Variants in NUP133 observed in about 807,000 individuals in gnomAD.
NUP133 encodes nuclear pore complex protein Nup133.
NUP133 carries 66 observed loss-of-function variants against 146.2 expected under a neutral mutation model. The observed-to-expected ratio is 0.45, with a 90% CI of 0.37 to 0.55. The LOEUF is 0.55. Among genes scored for constraint, NUP133 ranks in the 20% least tolerant of loss-of-function variants. NUP133 has a pLI of 0.00. For missense variants in NUP133, 1,277 were observed against 1,374.8 expected (o/e 0.93, Z 1.12); for synonymous variants, 521 against 498.8 (o/e 1.04, Z -0.59).
chr1:229,473,832 G>A (rs1661011008), intron 14 of NUP133, among the ~76,000 whole-genome samples: 1 of 152,200 alleles, frequency 6.6e-6, no homozygotes, highest in South Asian at 2.1e-4. Flanking sequence ...GCTGGGGCAG[G>A]AGAATCACTT....
chr1:229,454,050 A>C (rs1026216156), intron 21 of NUP133, among the ~76,000 whole-genome samples: 1 of 152,188 alleles, frequency 6.6e-6, no homozygotes, highest in Non-Finnish European at 1.5e-5. Flanking sequence ...ATGCAGTTCA[A>C]GCTCATGTTG....
At chr1:229,469,796 G>C (rs1660912956) in intron 15 of NUP133, among the ~76,000 whole-genome samples, 1 of 152,256 alleles carries the variant, frequency 6.6e-6, no homozygotes, top group South Asian at 2.1e-4. Context: ...ATTCAGGAAG[G>C]CCACCTTGCT....
intron 11 of NUP133, among the ~76,000 whole-genome samples, chr1:229,484,908 A>G (rs1661310566): frequency 6.6e-6 from 1 of 152,186 alleles, no homozygotes; most frequent in Non-Finnish European, 1.5e-5. Flanking sequence ...CTTTTGTGAA[A>G]AGAAAAAAAA....
chr1:229,478,897 CAA>C (rs1225842965), intron 12 of NUP133, among the ~76,000 whole-genome samples: 1 of 152,044 alleles, frequency 6.6e-6, no homozygotes, highest in Admixed American at 6.5e-5. Context: ...TCAGATCAGA[CAA>C]GAGAAAAATC....
intron 15 of NUP133, among the ~76,000 whole-genome samples, chr1:229,469,023 T>A (rs941349706): frequency 3.3e-5 from 5 of 152,188 alleles, no homozygotes; most frequent in African/African-American, 1.2e-4. Flanking sequence ...TTACAGTACA[T>A]CAAACATTAA....
intron 25 of NUP133, among the ~76,000 whole-genome samples, chr1:229,443,913 T>G: frequency 7.2e-6 from 1 of 138,160 alleles, no homozygotes; most frequent in East Asian, 2.0e-4. Flanking sequence ...TTTTTTTTTT[T>G]TTTTTAAAAT....
At chr1:229,445,572 G>A (rs1022763610) in intron 24 of NUP133, among the ~76,000 whole-genome samples, 1 of 152,184 alleles carries the variant, frequency 6.6e-6, no homozygotes, top group Non-Finnish European at 1.5e-5. Context: ...TCCTGTCTTG[G>A]CCTCCCAAAG....
chr1:229,484,268 T>C (rs1345485175), intron 11 of NUP133, 123 bp from the exon 12 acceptor site: 1 of 625,042 alleles, frequency 1.6e-6, no homozygotes, highest in Middle Eastern at 4.4e-4. Flanking sequence ...TGCCGTATTG[T>C]CTGTACCAGG....
chr1:229,485,595 G>C (rs1031216355), intron 11 of NUP133, among the ~76,000 whole-genome samples: 3 of 152,102 alleles, frequency 2.0e-5, no homozygotes, highest in African/African-American at 4.8e-5. Flanking sequence ...ATTTATGTTA[G>C]AATGATAAAG....
At chr1:229,488,479 G>A (rs190610960) in intron 9 of NUP133, among the ~76,000 whole-genome samples, 9 of 152,232 alleles carry the variant, frequency 5.9e-5, no homozygotes, top group Admixed American at 3.9e-4. Flanking sequence ...TAAATGCGAG[G>A]TCCTAGAATT....
chr1:229,446,291 C>A (rs1172413438), intron 24 of NUP133, among the ~76,000 whole-genome samples: 5 of 152,074 alleles, frequency 3.3e-5, no homozygotes, highest in Non-Finnish European at 7.4e-5. Context: ...TGCCTGTAAT[C>A]CCAGCTACTT....
intron 12 of NUP133, among the ~76,000 whole-genome samples, chr1:229,482,021 A>T (rs535032125): frequency 6.6e-6 from 1 of 152,334 alleles, no homozygotes; most frequent in African/African-American, 2.4e-5. Flanking sequence ...AGATGCCACA[A>T]ATGTGACAGA....
intron 17 of NUP133, among the ~76,000 whole-genome samples, chr1:229,465,132 C>T (rs896721541): frequency 2.0e-5 from 3 of 152,150 alleles, no homozygotes; most frequent in African/African-American, 7.2e-5. Context: ...TGTATTAAAT[C>T]AACATAAAAT....
At chr1:229,473,648 GCA>G (rs1269308345) in intron 14 of NUP133, among the ~76,000 whole-genome samples, 1 of 152,310 alleles carries the variant, frequency 6.6e-6, no homozygotes, top group African/African-American at 2.4e-5. Flanking sequence ...ATCACACTGG[GCA>G]CAGTGGCTCA....
chr1:229,458,529 C>A (rs746080674), intron 20 of NUP133, among the ~76,000 whole-genome samples: 6 of 152,114 alleles, frequency 3.9e-5, no homozygotes, highest in Non-Finnish European at 7.4e-5. Context: ...AACATTTGCT[C>A]TAAAACTTAC....
intron 4 of NUP133, 42 bp downstream of exon 4, chr1:229,500,714 T>G: frequency 8.4e-7 from 1 of 1,187,448 alleles, no homozygotes; most frequent in Non-Finnish European, 1.2e-6. Flanking sequence ...AGGATGTCCT[T>G]GTTGTAAAAA....
chr1:229,447,830 T>A (rs1660344787), intron 24 of NUP133, among the ~76,000 whole-genome samples: 1 of 152,166 alleles, frequency 6.6e-6, no homozygotes, highest in Non-Finnish European at 1.5e-5. Flanking sequence ...TACTTTCAGA[T>A]GCGTTAGAAT....
intron 13 of NUP133, 76 bp from the exon 14 acceptor site, chr1:229,475,808 C>A: frequency 8.3e-7 from 1 of 1,200,574 alleles, no homozygotes; most frequent in Non-Finnish European, 1.2e-6. Flanking sequence ...TGGCTAACTG[C>A]TATTAAAATA....
chr1:229,502,077 T>TA lies in NUP133; in HGVS notation c.326dup (p.Asp110ArgfsTer2). 1 of 1,613,934 alleles carries TA rather than the reference T, an allele frequency of 6.2e-7. No homozygotes were observed. On this transcript the variant is annotated frameshift_variant, in exon 3 of 26. Coordinates refer to ENST00000261396, the MANE Select transcript of NUP133 (RefSeq NM_018230.3). LOFTEE classifies it high-confidence loss of function. Reference sequence around the variant, plus strand: ...CCAGACAAGCCCATCCACCTTCATCTATGTTAATGGTCAGCTGGTCATCGA... The same window carrying TA: ...CCAGACAAGCCCATCCACCTTCATCTAATGTTAATGGTCAGCTGGTCATCGA...
Sources: allele counts gnomAD v4.1 joint callset (sites outside exome capture counted in the v4.1 genomes callset), GRCh38; gene constraint gnomAD v4.1.1; transcripts MANE v1.5; gene names NCBI Gene and HGNC (gene_info 2026-07-23, HGNC 2026-07-21).